ATP10B: variants seen among roughly 807,000 people sequenced by gnomAD.
ATP10B encodes phospholipid-transporting ATPase VB.
ATP10B carries 122 observed loss-of-function variants against 141.2 expected under a neutral mutation model. The observed-to-expected ratio is 0.86, with a 90% CI of 0.75 to 1.00. The LOEUF (loss-of-function observed/expected upper bound fraction) is 1.00. Among genes scored for constraint, ATP10B ranks in the 50% least tolerant of loss-of-function variants. The probability of loss-of-function intolerance (pLI) is 0.00; values close to 1 mark genes in which losing one functional copy is unlikely to be tolerated. For synonymous variants in ATP10B, 685 were observed against 692.0 expected (o/e 0.99, Z 0.16); for missense variants, 1,876 against 1,825.3 (o/e 1.03, Z -0.51).
chr5:160,885,584 A>C, the ATP10B span, among the ~76,000 whole-genome samples: 21 of 152,320 alleles, frequency 1.4e-4, no homozygotes, highest in African/African-American at 5.0e-4. Context: ...ATTAAATCCC[A>C]TTTTGAGTGG....
intron 1 of ATP10B, among the ~76,000 whole-genome samples, chr5:160,793,759 T>C (rs1771755376): frequency 6.6e-6 from 1 of 152,228 alleles, no homozygotes; most frequent in South Asian, 2.1e-4. Context: ...ATTTCTAGTC[T>C]TGTAAGCTCC....
chr5:160,809,031 T>TA (rs1416586969), intron 1 of ATP10B, among the ~76,000 whole-genome samples: 1 of 152,234 alleles, frequency 6.6e-6, no homozygotes, highest in African/African-American at 2.4e-5. Flanking sequence ...CATGGTGTTC[T>TA]ACGTGTGTTC....
rs10642787 is a variant in ATP10B, at chr5:160,775,676, A to ATTTTT, written c.-331+9878_-331+9882dup. ...TCATTCTGCTTTCTGCAAGTTTCAG[A>ATTTTT]TTTTTTTTTTTTTTTTTTTTTTGAG... On this transcript the variant is annotated intron_variant, in intron 2 of 25. Transcript: ENST00000327245. 8.1e-4 allele frequency among the ~76,000 whole-genome samples: 95 copies of ATTTTT among 116,808 alleles called. 4 individuals are homozygous for ATTTTT. The highest frequency in any genetic ancestry group is 5.7e-3 in the East Asian group (22 of 3,860). 76.6% of individuals were successfully genotyped at this position (116,808 alleles called of 152,430 possible).
intron 25 of ATP10B, among the ~76,000 whole-genome samples, chr5:160,568,504 G>A (rs1754687321): frequency 6.6e-6 from 1 of 152,182 alleles, no homozygotes; most frequent in African/African-American, 2.4e-5. Flanking sequence ...GCGATGTTCA[G>A]CGTGGTGAGA....
chr5:160,587,990 C>A (rs544882564), intron 24 of ATP10B, among the ~76,000 whole-genome samples: 1 of 152,120 alleles, frequency 6.6e-6, no homozygotes, highest in Non-Finnish European at 1.5e-5. Flanking sequence ...GCTGGGATTA[C>A]GGGCACATGC....
intron 1 of ATP10B, among the ~76,000 whole-genome samples, chr5:160,790,871 A>T (rs1343702606): frequency 6.6e-6 from 1 of 152,174 alleles, no homozygotes; most frequent in Non-Finnish European, 1.5e-5. Context: ...GGCCCAGTGT[A>T]ATCACATGAG....
rs1754411101 is a variant in ATP10B, at chr5:160,564,213, G to A, written c.*1240C>T. 6.6e-6 allele frequency: 1 copy of A among 152,124 alleles called. No individual in the cohort carries two copies. Among genetic ancestry groups the A allele is most frequent in the Non-Finnish European group, 1.5e-5 (1 of 68,016 alleles). The allele number at this position is 152,124 out of a possible 1,614,324, so 9.4% of individuals were successfully genotyped here. The stretch of plus-strand genomic sequence containing the variant: ...TTAAGGTGGCTCAGTAACCCTTTCT[G>A]GCTTATTTTACAAGACTAGGGTTAG... On this transcript the variant is annotated 3_prime_UTR_variant, in exon 26 of 26. Transcript: ENST00000327245.
At chr5:160,810,567 T>C (rs1773086391) in intron 1 of ATP10B, among the ~76,000 whole-genome samples, 1 of 152,206 alleles carries the variant, frequency 6.6e-6, no homozygotes, top group Admixed American at 6.5e-5. Context: ...TCTCTGTGTG[T>C]CCATTTCATC....
intron 6 of ATP10B, among the ~76,000 whole-genome samples, chr5:160,672,917 T>C (rs1415280817): frequency 6.6e-6 from 1 of 152,236 alleles, no homozygotes. Context: ...CCAATCTTCC[T>C]GGTTATAAAA....
intron 6 of ATP10B, among the ~76,000 whole-genome samples, chr5:160,673,965 C>A (rs1198156332): frequency 6.6e-6 from 1 of 152,152 alleles, no homozygotes; most frequent in African/African-American, 2.4e-5. Context: ...GCAAAATTGT[C>A]CCAAGGAACA....
At chr5:160,835,329 TTTG>T (rs773066655) in intron 1 of ATP10B, among the ~76,000 whole-genome samples, 1 of 152,072 alleles carries the variant, frequency 6.6e-6, no homozygotes, top group African/African-American at 2.4e-5. Flanking sequence ...CTTGTGGTGT[TTTG>T]TTGTTGTCGG....
chr5:160,676,950 G>A (rs1581335158), intron 6 of ATP10B, among the ~76,000 whole-genome samples: 1 of 152,204 alleles, frequency 6.6e-6, no homozygotes, highest in African/African-American at 2.4e-5. Context: ...GGTGGTGGGA[G>A]TGACATGGCT....
chr5:160,667,594 C>CT (rs1193264067), intron 7 of ATP10B, among the ~76,000 whole-genome samples: 3 of 152,164 alleles, frequency 2.0e-5, no homozygotes, highest in Admixed American at 2.0e-4. Flanking sequence ...ACCTCTCTCT[C>CT]TTTTTTGTTT....
chr5:160,744,661 CT>C (rs1767686370), intron 2 of ATP10B, among the ~76,000 whole-genome samples: 1 of 152,166 alleles, frequency 6.6e-6, no homozygotes, highest in Non-Finnish European at 1.5e-5. Flanking sequence ...ATAATTTAGG[CT>C]TTGAGGCAGA....
At chr5:160,729,013 T>C (rs754801168) in intron 2 of ATP10B, among the ~76,000 whole-genome samples, 32 of 152,308 alleles carry the variant, frequency 2.1e-4, no homozygotes, top group Non-Finnish European at 3.7e-4. Flanking sequence ...CCCTGATCCT[T>C]GTCTCAGCTC....
chr5:160,716,569 G>C (rs1347155600), intron 3 of ATP10B, among the ~76,000 whole-genome samples: 1 of 152,138 alleles, frequency 6.6e-6, no homozygotes, highest in African/African-American at 2.4e-5. Context: ...ATGTAAAGTT[G>C]AGCAAAAAGT....
At chr5:160,926,615 C>T in the ATP10B span, among the ~76,000 whole-genome samples, 4 of 152,118 alleles carry the variant, frequency 2.6e-5, no homozygotes, top group Non-Finnish European at 4.4e-5. Context: ...ATGAAGAAGA[C>T]GTAAGTGCAA....
intron 1 of ATP10B, among the ~76,000 whole-genome samples, chr5:160,810,527 A>C (rs1773083949): frequency 6.6e-6 from 1 of 152,102 alleles, no homozygotes; most frequent in Non-Finnish European, 1.5e-5. Context: ...GCTTAAAGAG[A>C]ATACCTATTC....
upstream of ATP10B, among the ~76,000 whole-genome samples, chr5:160,856,059 T>C (rs753711920): frequency 2.6e-5 from 4 of 151,856 alleles, no homozygotes; most frequent in Non-Finnish European, 5.9e-5. Flanking sequence ...CTATTCTTGG[T>C]TTCATGCTTT....
Sources: allele counts gnomAD v4.1 joint callset (sites outside exome capture counted in the v4.1 genomes callset), GRCh38; gene constraint gnomAD v4.1.1; transcripts MANE v1.5; gene names NCBI Gene and HGNC (gene_info 2026-07-23, HGNC 2026-07-21).